Variants in PDZD2 observed in about 807,000 individuals in gnomAD.
PDZD2 encodes the protein PDZ domain-containing protein 2.
A neutral mutation model predicts 220.7 loss-of-function variants in PDZD2; 90 were observed. The ratio of observed to expected loss-of-function variants is 0.41; its 90% CI spans 0.34 to 0.49. The LOEUF is 0.49. Ranked by LOEUF, PDZD2 falls within the 20% of genes least tolerant of loss-of-function variation. PDZD2 has a pLI of 0.28. For synonymous variants in PDZD2, 1,375 were observed against 1,450.5 expected, an observed-to-expected ratio of 0.95 and a Z score of 1.18; for missense variants, 3,174 against 3,608.5, an observed-to-expected ratio of 0.88 and a Z score of 3.08.
At chr5:31,989,516 G>C (rs1476832293) in intron 3 of PDZD2, among the ~76,000 whole-genome samples, 1 of 149,772 alleles carries the variant, frequency 6.7e-6, no homozygotes, top group African/African-American at 2.5e-5. Context: ...TCTGCCTCCT[G>C]GGTTCAAGCA....
At position 31,776,255 on chromosome 5, in the gene PDZD2, C is replaced by T. The variant is rs1017305519; in HGVS notation, c.-360-22634C>T. Among the ~76,000 whole-genome samples the T allele has an allele frequency of 4.6e-5, 7 of 152,212 alleles. No individual in the cohort carries two copies. The East Asian group carries it at 1.4e-3, about 29-fold the overall frequency. On this transcript the variant is annotated intron_variant, in intron 1 of 24. Coordinates refer to ENST00000438447, the MANE Select transcript of PDZD2 (RefSeq NM_178140.4). ...CCAAGTGGTCACCAAGACCAGTTAA[C>T]TGTGCCTCTGAAATTGTCCAAGATG...
intron 14 of PDZD2, among the ~76,000 whole-genome samples, chr5:32,062,990 T>C (rs1739830902): frequency 6.6e-6 from 1 of 151,414 alleles, no homozygotes; most frequent in South Asian, 2.1e-4. Flanking sequence ...ATTTTATCAT[T>C]GTAAAGATAC....
intron 1 of PDZD2, chr5:31,664,782 A>G (rs1745916542): frequency 6.6e-6 from 1 of 152,216 alleles, no homozygotes; most frequent in South Asian, 2.1e-4. Context: ...TCTCCTCCAC[A>G]TGGTGATTCA....
chr5:31,968,987 T>C (rs1450932328), intron 2 of PDZD2, among the ~76,000 whole-genome samples: 1 of 152,140 alleles, frequency 6.6e-6, no homozygotes, highest in African/African-American at 2.4e-5. Context: ...AAAGTGGAGT[T>C]GATTTGTGAC....
At chr5:32,065,878 T>A (rs1311635188) in intron 14 of PDZD2, among the ~76,000 whole-genome samples, 1 of 151,710 alleles carries the variant, frequency 6.6e-6, no homozygotes, top group Non-Finnish European at 1.5e-5. Flanking sequence ...ATATAAAAAT[T>A]AGCTGGGCGT....
chr5:32,038,384 A>C (rs1312708606), intron 7 of PDZD2, among the ~76,000 whole-genome samples: 12 of 151,056 alleles, frequency 7.9e-5, no homozygotes, highest in Non-Finnish European at 1.2e-4. Context: ...CACACACACA[A>C]AAATTAGCTG....
intron 12 of PDZD2, 51 bp from the exon 13 acceptor site, chr5:32,059,188 A>T: frequency 1.1e-6 from 1 of 928,844 alleles, no homozygotes; most frequent in Admixed American, 1.9e-5. Context: ...CATTTTTTCT[A>T]GTGATTGTGT....
intron 2 of PDZD2, among the ~76,000 whole-genome samples, chr5:31,845,079 ATTCT>A (rs1224482960): frequency 6.6e-6 from 1 of 152,094 alleles, no homozygotes; most frequent in Non-Finnish European, 1.5e-5. Flanking sequence ...GATGAGAAGA[ATTCT>A]TTCTCTCTCT....
At chr5:31,742,692 A>G (rs1750341794) in intron 1 of PDZD2, among the ~76,000 whole-genome samples, 1 of 152,202 alleles carries the variant, frequency 6.6e-6, no homozygotes, top group Non-Finnish European at 1.5e-5. Flanking sequence ...TTGCAGAGCC[A>G]TAACTTGCTA....
At chr5:31,731,639 A>T (rs1047618628) in intron 1 of PDZD2, among the ~76,000 whole-genome samples, 3 of 152,208 alleles carry the variant, frequency 2.0e-5, no homozygotes, top group African/African-American at 7.2e-5. Flanking sequence ...TACGCTTAGC[A>T]TAATGTTGTC....
intron 1 of PDZD2, among the ~76,000 whole-genome samples, chr5:31,733,214 G>C (rs1749640551): frequency 6.6e-6 from 1 of 152,134 alleles, no homozygotes; most frequent in African/African-American, 2.4e-5. Context: ...GGGAGTACAG[G>C]GGCTGCCCTG....
chr5:31,852,305 G>C (rs751286197), intron 2 of PDZD2, among the ~76,000 whole-genome samples: 1 of 152,000 alleles, frequency 6.6e-6, no homozygotes, highest in East Asian at 1.9e-4. Flanking sequence ...TTTTGAGACT[G>C]AGCATTGCTG....
At chr5:31,978,101 TAATTG>T (rs781053682) in intron 2 of PDZD2, among the ~76,000 whole-genome samples, 2 of 152,312 alleles carry the variant, frequency 1.3e-5, no homozygotes, top group African/African-American at 4.8e-5. Flanking sequence ...AAATAAATCT[TAATTG>T]AATTAATAAT....
In PDZD2 at chr5:32,110,801, G is replaced by GAGTA. The variant is rs532835750; in HGVS notation, c.*2670_*2673dup. 1.6e-4 allele frequency: 25 copies of GAGTA among 152,428 alleles called. No homozygotes were observed. Among genetic ancestry groups the GAGTA allele is most frequent in the Admixed American group, 1.4e-3 (21 of 15,252 alleles). The allele number at this position is 152,428 out of a possible 1,614,324, so 9.4% of individuals were successfully genotyped here. A position where few individuals can be genotyped will look rare whatever the true frequency, so the allele number is the denominator to read the frequency against. The stretch of plus-strand genomic sequence containing the variant: ...AAAGTAAAATGCCTTATATATTAAA[G>GAGTA]AGTAAGTGCAATAATATGAAATAGC... On this transcript the variant is annotated 3_prime_UTR_variant, in exon 25 of 25. Coordinates refer to ENST00000438447, the MANE Select transcript of PDZD2 (RefSeq NM_178140.4).
intron 2 of PDZD2, among the ~76,000 whole-genome samples, chr5:31,904,915 T>G (rs1742497719): frequency 6.6e-6 from 1 of 152,094 alleles, no homozygotes; most frequent in Admixed American, 6.6e-5. Context: ...CCTATAAAAT[T>G]ATGCAAGTGA....
chr5:31,952,985 G>A (rs185109034), intron 2 of PDZD2, among the ~76,000 whole-genome samples: 49 of 150,806 alleles, frequency 3.2e-4, no homozygotes, highest in Admixed American at 2.9e-3. Context: ...TTGAACCTGG[G>A]AGGCAGAGGC....
intron 1 of PDZD2, among the ~76,000 whole-genome samples, chr5:31,695,059 G>A (rs978048195): frequency 2.0e-5 from 3 of 151,948 alleles, no homozygotes; most frequent in African/African-American, 7.2e-5. Context: ...AGGAGGCGGA[G>A]GTTGCAGTGA....
intron 1 of PDZD2, among the ~76,000 whole-genome samples, chr5:31,696,726 G>C (rs926704302): frequency 1.8e-4 from 27 of 152,282 alleles, no homozygotes; most frequent in African/African-American, 6.5e-4. Flanking sequence ...CTGTCCTTTG[G>C]CCACACAGTG....
intron 2 of PDZD2, among the ~76,000 whole-genome samples, chr5:31,902,638 A>C (rs1172914603): frequency 6.7e-6 from 1 of 150,108 alleles, no homozygotes; most frequent in Non-Finnish European, 1.5e-5. Context: ...ATGCACCACC[A>C]TGCCTGCTAA....
Sources: allele counts gnomAD v4.1 joint callset (sites outside exome capture counted in the v4.1 genomes callset), GRCh38; gene constraint gnomAD v4.1.1; transcripts MANE v1.5; gene names NCBI Gene and HGNC (gene_info 2026-07-23, HGNC 2026-07-21).